GABRG3: variants seen among roughly 807,000 people sequenced by gnomAD.
The protein encoded by GABRG3 is gamma-aminobutyric acid type A receptor subunit gamma3.
In GABRG3, 25 loss-of-function variants were observed where a neutral mutation model predicts 48.8. The ratio of observed to expected loss-of-function variants is 0.51; its 90% CI spans 0.37 to 0.72. GABRG3 has a LOEUF of 0.72. GABRG3 is among the 30% of genes least tolerant of loss of function. The probability of loss-of-function intolerance (pLI) is 0.00; values close to 1 mark genes in which losing one functional copy is unlikely to be tolerated. For missense variants in GABRG3, 394 were observed against 577.9 expected (o/e 0.68, Z 3.26); for synonymous variants, 227 against 217.6 (o/e 1.04, Z -0.38).
intron 3 of GABRG3, among the ~76,000 whole-genome samples, chr15:27,283,558 G>A (rs1207115949): frequency 2.0e-5 from 3 of 152,144 alleles, no homozygotes; most frequent in African/African-American, 7.2e-5. Context: ...GGGCAGAGAT[G>A]GCACACAGTT....
chr15:27,517,199 C>T (rs891541390), intron 6 of GABRG3, among the ~76,000 whole-genome samples: 6 of 151,990 alleles, frequency 3.9e-5, no homozygotes, highest in African/African-American at 1.5e-4. Context: ...AGGCTGCCTC[C>T]TCCGTCATTG....
intron 3 of GABRG3, among the ~76,000 whole-genome samples, chr15:27,266,416 C>T (rs1595623884): frequency 6.6e-6 from 1 of 152,098 alleles, no homozygotes; most frequent in East Asian, 1.9e-4. Flanking sequence ...ATCTGTTTGT[C>T]TTTATCACAC....
chr15:27,483,080 A>C lies in GABRG3; in HGVS notation c.712+2293A>C, dbSNP rs2150845923. On this transcript the variant is annotated intron_variant, in intron 6 of 9. Coordinates refer to ENST00000615808, the MANE Select transcript of GABRG3 (RefSeq NM_033223.5). ...TAAAATGCACAAAGACTGTTCAAAA[A>C]CATTAGTCACTGAATTAGTTTCCTG... The C allele has an allele frequency of 1.3e-5, 2 of 152,352 alleles. 1 individual carries two copies. Among genetic ancestry groups the C allele is most frequent in the South Asian group, 4.1e-4 (2 of 4,824 alleles). 9.4% of individuals were successfully genotyped at this position (152,352 alleles called of 1,614,324 possible).
At chr15:27,113,499 G>T (rs571539587) in intron 3 of GABRG3, among the ~76,000 whole-genome samples, 1 of 152,084 alleles carries the variant, frequency 6.6e-6, no homozygotes, top group Admixed American at 6.6e-5. Context: ...GTGGAGGGCT[G>T]GGGGTGATGC....
At chr15:27,479,827 C>A (rs1036982083) in intron 5 of GABRG3, among the ~76,000 whole-genome samples, 1 of 152,160 alleles carries the variant, frequency 6.6e-6, no homozygotes, top group Non-Finnish European at 1.5e-5. Context: ...GCAGATCAGG[C>A]AGTAAAAAGA....
intron 5 of GABRG3, among the ~76,000 whole-genome samples, chr15:27,459,057 A>G (rs1489395030): frequency 6.6e-6 from 1 of 151,780 alleles, no homozygotes; most frequent in Non-Finnish European, 1.5e-5. Flanking sequence ...TTCTCTCTCC[A>G]CCTTTCCCCA....
chr15:27,260,598 T>G (rs1056865348), intron 3 of GABRG3, among the ~76,000 whole-genome samples: 1 of 152,204 alleles, frequency 6.6e-6, no homozygotes, highest in Non-Finnish European at 1.5e-5. Flanking sequence ...CCATGCCATT[T>G]TATCTCAGGG....
chr15:27,325,578 G>A (rs934027493), intron 3 of GABRG3, among the ~76,000 whole-genome samples: 1 of 152,110 alleles, frequency 6.6e-6, no homozygotes, highest in Non-Finnish European at 1.5e-5. Flanking sequence ...TAATACACCA[G>A]CCTTATTTTT....
chr15:27,444,646 C>T lies in GABRG3; in HGVS notation c.575-36004C>T, dbSNP rs189196138. 1.8e-4 allele frequency among the ~76,000 whole-genome samples: 27 copies of T among 152,274 alleles called. No individual in the cohort carries two copies. The South Asian group carries it at 3.5e-3, about 20-fold the overall frequency. ...TTTTAATATATCTAATATGTTTGGA[C>T]TTAAATCTGCCAGCTTACTATCAAA... On this transcript the variant is annotated intron_variant, in intron 5 of 9. Coordinates refer to ENST00000615808, the MANE Select transcript of GABRG3 (RefSeq NM_033223.5).
intron 3 of GABRG3, among the ~76,000 whole-genome samples, chr15:27,285,123 A>G (rs1475985713): frequency 6.6e-6 from 1 of 152,090 alleles, no homozygotes; most frequent in African/African-American, 2.4e-5. Flanking sequence ...GAGCAGATCA[A>G]CCTGCTCCTT....
intron 5 of GABRG3, among the ~76,000 whole-genome samples, chr15:27,412,900 T>C (rs1311325755): frequency 6.6e-6 from 1 of 152,158 alleles, no homozygotes; most frequent in Non-Finnish European, 1.5e-5. Flanking sequence ...TAACCTTGCA[T>C]GTCCAGTTAC....
intron 3 of GABRG3, among the ~76,000 whole-genome samples, chr15:27,225,720 A>G (rs1294706522): frequency 6.6e-6 from 1 of 152,078 alleles, no homozygotes; most frequent in Admixed American, 6.5e-5. Flanking sequence ...AAATGCATCT[A>G]AAGTTGGCAG....
intron 3 of GABRG3, among the ~76,000 whole-genome samples, chr15:27,281,188 A>G (rs1433817662): frequency 2.0e-5 from 3 of 152,020 alleles, no homozygotes; most frequent in African/African-American, 7.2e-5. Context: ...CACCCTACCT[A>G]TATTATTAAA....
chr15:27,116,455 A>G (rs931678263), intron 3 of GABRG3, among the ~76,000 whole-genome samples: 1 of 152,226 alleles, frequency 6.6e-6, no homozygotes, highest in East Asian at 1.9e-4. Flanking sequence ...AACATCCACT[A>G]TCTACCTATG....
chr15:27,271,337 G>A (rs954305449), intron 3 of GABRG3, among the ~76,000 whole-genome samples: 5 of 152,170 alleles, frequency 3.3e-5, no homozygotes, highest in Admixed American at 1.3e-4. Flanking sequence ...CTGCCTCCGC[G>A]GGTGCCTCTC....
intron 3 of GABRG3, among the ~76,000 whole-genome samples, chr15:27,063,872 C>T (rs763980087): frequency 5.3e-5 from 8 of 152,158 alleles, no homozygotes; most frequent in Non-Finnish European, 7.4e-5. Context: ...GCTGACCACC[C>T]GGCCTGCTCA....
intron 5 of GABRG3, among the ~76,000 whole-genome samples, chr15:27,464,155 C>T (rs1889533585): frequency 6.6e-6 from 1 of 152,114 alleles, no homozygotes; most frequent in Non-Finnish European, 1.5e-5. Flanking sequence ...GTGTACAGTT[C>T]AGTGGTGTTT....
intron 3 of GABRG3, among the ~76,000 whole-genome samples, chr15:27,231,906 C>A (rs984384): frequency 0.18 from 27,864 of 151,842 alleles, 3,582 homozygotes; most frequent in East Asian, 0.41. Context: ...TGATCTAAAC[C>A]ATAGATGGAG....
intron 3 of GABRG3, among the ~76,000 whole-genome samples, chr15:27,084,489 A>G (rs1897043520): frequency 6.6e-6 from 1 of 152,206 alleles, no homozygotes; most frequent in Non-Finnish European, 1.5e-5. Flanking sequence ...TTTTGTAGTG[A>G]GACAAATAAG....
Sources: allele counts gnomAD v4.1 joint callset (sites outside exome capture counted in the v4.1 genomes callset), GRCh38; gene constraint gnomAD v4.1.1; transcripts MANE v1.5; gene names NCBI Gene and HGNC (gene_info 2026-07-23, HGNC 2026-07-21).